The following CSNK2A1 variants were observed in gnomAD, a reference collection of about 807,000 sequenced individuals.
CSNK2A1 encodes the protein casein kinase 2 alpha 1.
A neutral mutation model predicts 62.9 loss-of-function variants in CSNK2A1; 10 were observed. That is an observed-to-expected ratio of 0.16 (90% CI 0.10 to 0.27). The LOEUF (loss-of-function observed/expected upper bound fraction) is 0.27, where lower values mean the gene tolerates loss of function less well. Among genes scored for constraint, CSNK2A1 ranks in the 10% least tolerant of loss-of-function variants. The pLI is 1.00. For missense variants in CSNK2A1, 160 were observed against 492.0 expected, an observed-to-expected ratio of 0.33 and a Z score of 6.38; for synonymous variants, 124 against 167.8, an observed-to-expected ratio of 0.74 and a Z score of 2.02.
chr20:521,756 T>C (rs1336887734), intron 2 of CSNK2A1, among the ~76,000 whole-genome samples: 2 of 152,034 alleles, frequency 1.3e-5, no homozygotes, highest in Non-Finnish European at 2.9e-5. Flanking sequence ...GGATGAATCG[T>C]TTTTCTTTTT....
At position 483,134 on chromosome 20, in the gene CSNK2A1, C is replaced by T. The variant is rs2017988806; in HGVS notation, c.*827G>A. On this transcript the variant is annotated 3_prime_UTR_variant, in exon 14 of 14. Transcript: ENST00000217244. ...CAAAGAAAACTAAGAAAGATTTTGC[C>T]TTCCCTCTCCTACCAGCTATGGAGC... is the stretch of plus-strand genomic sequence containing the variant. 6.6e-6 allele frequency: 1 copy of T among 152,166 alleles called. No homozygotes were observed. Among genetic ancestry groups the T allele is most frequent in the East Asian group, 1.9e-4 (1 of 5,204 alleles). The allele number at this position is 152,166 out of a possible 1,614,324, so 9.4% of individuals were successfully genotyped here.
intron 2 of CSNK2A1, among the ~76,000 whole-genome samples, chr20:519,611 A>T (rs562142721): frequency 6.6e-6 from 1 of 152,358 alleles, no homozygotes; most frequent in African/African-American, 2.4e-5. Context: ...TCAAAGAGCA[A>T]CATTAGAACA....
At chr20:517,940 C>T (rs1299141700) in intron 2 of CSNK2A1, among the ~76,000 whole-genome samples, 1 of 152,194 alleles carries the variant, frequency 6.6e-6, no homozygotes, top group African/African-American at 2.4e-5. Flanking sequence ...CATTAATTCA[C>T]AAGCTTTGGA....
intron 2 of CSNK2A1, among the ~76,000 whole-genome samples, chr20:514,361 C>A (rs1408566168): frequency 1.3e-5 from 2 of 151,020 alleles, no homozygotes; most frequent in East Asian, 3.9e-4. Context: ...AACAAACAAA[C>A]AAACAAAAAA....
chr20:509,372 C>T (rs1002373069), intron 2 of CSNK2A1, among the ~76,000 whole-genome samples: 5 of 152,066 alleles, frequency 3.3e-5, no homozygotes, highest in Admixed American at 6.5e-5. Flanking sequence ...AATTTGACAC[C>T]GGGGGAAAAT....
chr20:518,113 G>A (rs1264302968), intron 2 of CSNK2A1, among the ~76,000 whole-genome samples: 1 of 152,090 alleles, frequency 6.6e-6, no homozygotes, highest in Admixed American at 6.5e-5. Flanking sequence ...CTACAGGCAT[G>A]TGTCACCACA....
chr20:490,722 A>T (rs1443941301), intron 9 of CSNK2A1, among the ~76,000 whole-genome samples: 4 of 140,016 alleles, frequency 2.9e-5, no homozygotes, highest in African/African-American at 1.1e-4. Context: ...TTTTTTTTTA[A>T]AGACACAGGG....
chr20:516,098 T>C (rs1278713211), intron 2 of CSNK2A1, among the ~76,000 whole-genome samples: 2 of 152,224 alleles, frequency 1.3e-5, no homozygotes, highest in East Asian at 3.8e-4. Context: ...TCCTAGATAT[T>C]TGGAAGATCA....
In CSNK2A1 at chr20:483,843, A is replaced by G; in HGVS notation, c.*118T>C. 2 of 735,696 alleles carry G rather than the reference A, an allele frequency of 2.7e-6. No homozygotes were observed. Among genetic ancestry groups the G allele is most frequent in the Non-Finnish European group, 3.9e-6 (2 of 511,968 alleles). The allele number at this position is 735,696 out of a possible 1,614,324, so 45.6% of individuals were successfully genotyped here. On this transcript the variant is annotated 3_prime_UTR_variant, in exon 14 of 14. Transcript: ENST00000217244. ...ACTGAACTACTATAAATCCACAAGC[A>G]ACGGTTCAGACACGGTGCTTCTGAA...
intron 9 of CSNK2A1, among the ~76,000 whole-genome samples, chr20:490,411 C>CTTT (rs369596623): frequency 2.4e-5 from 2 of 84,490 alleles, no homozygotes; most frequent in African/African-American, 4.8e-5. Context: ...ACAATTTTTA[C>CTTT]TTTTTTTTTT....
At chr20:489,106 C>G in intron 10 of CSNK2A1, 1 of 258,894 alleles carries the variant, frequency 3.9e-6, no homozygotes, top group Middle Eastern at 1.3e-3. Context: ...GTCCACATTT[C>G]TACTCTGAAG....
chr20:488,085 G>A (rs6107416), intron 11 of CSNK2A1: 2,829 of 161,106 alleles, frequency 0.018, 95 homozygotes, highest in African/African-American at 0.068. Flanking sequence ...CTGTTGCCCA[G>A]ACTGGAGCGC....
chr20:536,559 AG>A (rs1207167053), intron 1 of CSNK2A1, among the ~76,000 whole-genome samples: 5 of 152,194 alleles, frequency 3.3e-5, no homozygotes, highest in African/African-American at 1.2e-4. Context: ...AGACTTGAAG[AG>A]GTTAAGTAAA....
intron 2 of CSNK2A1, among the ~76,000 whole-genome samples, chr20:509,500 C>T (rs1463998528): frequency 6.6e-6 from 1 of 152,230 alleles, no homozygotes; most frequent in Non-Finnish European, 1.5e-5. Flanking sequence ...TGTATTGAGT[C>T]TCCAGATTGT....
intron 2 of CSNK2A1, among the ~76,000 whole-genome samples, chr20:513,257 C>G (rs1335128748): frequency 6.6e-6 from 1 of 152,214 alleles, no homozygotes; most frequent in Non-Finnish European, 1.5e-5. Flanking sequence ...TCTCAAAGCC[C>G]TTTTCCTATG....
At position 482,792 on chromosome 20, in the gene CSNK2A1, G is replaced by A. The variant is rs1333447058; in HGVS notation, c.*1169C>T. On this transcript the variant is annotated 3_prime_UTR_variant, in exon 14 of 14. Coordinates refer to ENST00000217244, the MANE Select transcript of CSNK2A1 (RefSeq NM_177559.3). ...GTATTATATATATACACACAGCAAG[G>A]GGTGGCGGGGCTGTAACAAGAGAGT... 1 of 152,594 alleles carries A rather than the reference G, an allele frequency of 6.6e-6. No homozygotes were observed. The highest frequency in any genetic ancestry group is 1.5e-5 in the Non-Finnish European group (1 of 68,040). The allele number at this position is 152,594 out of a possible 1,614,324, so 9.5% of individuals were successfully genotyped here. A position where few individuals can be genotyped will look rare whatever the true frequency, so the allele number is the denominator to read the frequency against.
chr20:487,354 A>G (rs1472410062), intron 12 of CSNK2A1, 73 bp downstream of exon 12: 12 of 1,590,280 alleles, frequency 7.5e-6, no homozygotes, highest in African/African-American at 1.3e-5. Flanking sequence ...AGCTGACAGG[A>G]GCTGGGATTA....
chr20:524,432 A>C (rs2019024984), intron 2 of CSNK2A1, among the ~76,000 whole-genome samples: 2 of 151,034 alleles, frequency 1.3e-5, no homozygotes, highest in Non-Finnish European at 2.9e-5. Context: ...AAAAAAAAAA[A>C]AAAAAAAATT....
At chr20:505,429 T>G (rs2122560637) in intron 3 of CSNK2A1, among the ~76,000 whole-genome samples, 200 bp from the exon 4 acceptor site, 2 of 144,164 alleles carry the variant, frequency 1.4e-5, no homozygotes, top group Admixed American at 1.4e-4. Flanking sequence ...GCGCGATCTC[T>G]GCTGACTGCC....
Sources: allele counts gnomAD v4.1 joint callset (sites outside exome capture counted in the v4.1 genomes callset), GRCh38; gene constraint gnomAD v4.1.1; transcripts MANE v1.5; gene names NCBI Gene and HGNC (gene_info 2026-07-23, HGNC 2026-07-21).